Variants in EFCAB5 observed in about 807,000 individuals in gnomAD.
EFCAB5 encodes EF-hand calcium-binding domain-containing protein 5.
A neutral mutation model predicts 167.9 loss-of-function variants in EFCAB5; 131 were observed. The ratio of observed to expected loss-of-function variants is 0.78; its 90% CI spans 0.68 to 0.90. EFCAB5 has a LOEUF of 0.90. Ranked by LOEUF, EFCAB5 falls within the 40% of genes least tolerant of loss-of-function variation. The pLI, the probability that EFCAB5 is intolerant of heterozygous loss-of-function variation, is 0.00. For missense variants in EFCAB5, 1,663 were observed against 1,745.2 expected (o/e 0.95, Z 0.84); for synonymous variants, 574 against 602.8 (o/e 0.95, Z 0.70).
At position 30,049,139 on chromosome 17, in the gene EFCAB5, T is replaced by C. The variant is rs77874509; in HGVS notation, c.1201-1979T>C. Reference sequence around the variant, plus strand: ...AGCAGCATTAGATACCTTGGTAAAGTAGCATTAGATACCTTGGTAAGACAG... The same window carrying C: ...AGCAGCATTAGATACCTTGGTAAAGCAGCATTAGATACCTTGGTAAGACAG... On this transcript the variant is annotated intron_variant, in intron 8 of 22. Coordinates refer to ENST00000394835, the MANE Select transcript of EFCAB5 (RefSeq NM_198529.4). 2.1e-4 allele frequency among the ~76,000 whole-genome samples: 32 copies of C among 152,218 alleles called. 2 individuals carry two copies. The East Asian group carries it at 6.2e-3, about 29-fold the overall frequency.
intron 14 of EFCAB5, among the ~76,000 whole-genome samples, chr17:30,070,667 G>A (rs141286847): frequency 2.0e-5 from 3 of 152,056 alleles, no homozygotes; most frequent in East Asian, 1.9e-4. Context: ...CCTATCTCTC[G>A]GGCCAGGCAC....
intron 19 of EFCAB5, among the ~76,000 whole-genome samples, chr17:30,088,152 T>C (rs1454508944): frequency 6.6e-6 from 1 of 152,206 alleles, no homozygotes; most frequent in Non-Finnish European, 1.5e-5. Flanking sequence ...AGATGAGTTC[T>C]CACTGTGTCA....
intron 1 of EFCAB5, 71 bp from the exon 2 acceptor site, chr17:29,942,169 T>A: frequency 7.6e-7 from 1 of 1,308,276 alleles, no homozygotes; most frequent in Non-Finnish European, 1.0e-6. Context: ...CTTACTGTAT[T>A]AAAGTATGAG....
intron 3 of EFCAB5, among the ~76,000 whole-genome samples, chr17:29,957,898 T>C (rs897813026): frequency 6.6e-6 from 1 of 152,218 alleles, no homozygotes; most frequent in African/African-American, 2.4e-5. Flanking sequence ...TCTAGATCTT[T>C]GAGGAATCAC....
intron 3 of EFCAB5, among the ~76,000 whole-genome samples, chr17:29,963,839 C>T (rs746609057): frequency 6.6e-6 from 1 of 152,052 alleles, no homozygotes; most frequent in Non-Finnish European, 1.5e-5. Flanking sequence ...GGGGTGGATC[C>T]CTCATGAATG....
At chr17:30,043,654 C>T (rs969618110) in intron 8 of EFCAB5, among the ~76,000 whole-genome samples, 1 of 152,288 alleles carries the variant, frequency 6.6e-6, no homozygotes, top group Middle Eastern at 3.4e-3. Context: ...TACTTAGCAA[C>T]ACATTTAACA....
At chr17:30,073,503 T>G in intron 14 of EFCAB5, 1 of 568,840 alleles carries the variant, frequency 1.8e-6, no homozygotes. Flanking sequence ...CCTCTCTCCT[T>G]CCATCTCTCT....
chr17:29,978,697 T>C (rs1330270538), intron 4 of EFCAB5, among the ~76,000 whole-genome samples: 2 of 152,288 alleles, frequency 1.3e-5, no homozygotes, highest in Middle Eastern at 6.8e-3. Flanking sequence ...CCTGACAAGG[T>C]GTGGTTGTCC....
intron 22 of EFCAB5, among the ~76,000 whole-genome samples, chr17:30,097,060 AT>A (rs199614574): frequency 0.18 from 11,484 of 64,842 alleles, 1,097 homozygotes; most frequent in East Asian, 0.38. Flanking sequence ...ATATATATAT[AT>A]TTTTTTTTTT....
At chr17:30,075,554 C>A (rs2070852012) in intron 14 of EFCAB5, among the ~76,000 whole-genome samples, 1 of 152,176 alleles carries the variant, frequency 6.6e-6, no homozygotes, top group Non-Finnish European at 1.5e-5. Flanking sequence ...TTTGGATGCC[C>A]TCCTCACCCT....
At chr17:29,967,207 A>C (rs1158350678) in intron 3 of EFCAB5, among the ~76,000 whole-genome samples, 1 of 152,184 alleles carries the variant, frequency 6.6e-6, no homozygotes, top group Non-Finnish European at 1.5e-5. Context: ...CATTCTGTGA[A>C]TGTGTGCTTA....
chr17:29,953,106 T>G (rs939343524), intron 3 of EFCAB5, among the ~76,000 whole-genome samples: 8 of 152,114 alleles, frequency 5.3e-5, no homozygotes, highest in Non-Finnish European at 8.8e-5. Flanking sequence ...ACTATCCCTG[T>G]TTGCACACTA....
At chr17:30,095,866 A>G (rs1025303805) in intron 22 of EFCAB5, among the ~76,000 whole-genome samples, 1 of 152,214 alleles carries the variant, frequency 6.6e-6, no homozygotes, top group Non-Finnish European at 1.5e-5. Context: ...GGACTTAGTC[A>G]TCTTGAATGG....
In EFCAB5 at chr17:30,074,322, A is replaced by T. The variant is rs570154377; in HGVS notation, c.2738-3893A>T. On this transcript the variant is annotated intron_variant, in intron 14 of 22. Coordinates refer to ENST00000394835, the MANE Select transcript of EFCAB5 (RefSeq NM_198529.4). Reference sequence around the variant, plus strand: ...GCTAGTTTATAAACTTTTTGTAGAGACAAGGTCTCACCATGTTGCCCAGGC... The same window carrying T: ...GCTAGTTTATAAACTTTTTGTAGAGTCAAGGTCTCACCATGTTGCCCAGGC... The T allele has an allele frequency of 2.6e-5, 4 of 152,224 alleles. No individual in the cohort carries two copies. In the East Asian group the frequency reaches 7.7e-4, roughly 29 times the overall value. 9.4% of individuals were successfully genotyped at this position (152,224 alleles called of 1,614,324 possible).
intron 22 of EFCAB5, among the ~76,000 whole-genome samples, chr17:30,102,710 G>A (rs1189733781): frequency 6.6e-6 from 1 of 152,056 alleles, no homozygotes; most frequent in African/African-American, 2.4e-5. Flanking sequence ...AAGCACCCCA[G>A]AAGATTTTTT....
Position 29,968,970 on chromosome 17 carries a change from G to T in EFCAB5, c.370G>T (p.Ala124Ser). ...WKKNLFERME[A>S]RAQAMQQKII... is the part of the protein sequence containing the mutation. ...GAAAAACCTTTTTGAAAGAATGGAG[G>T]CAAGAGCCCAAGCAATGCAGCAGAA... is the stretch of plus-strand genomic sequence containing the variant. Residue 124 changes from alanine to serine, a missense_variant, in exon 4 of 23, where the codon GCA (alanine) becomes TCA (serine). Physicochemically the swap from Ala to Ser is moderately conservative, Grantham distance 99. Coordinates refer to ENST00000394835, the MANE Select transcript of EFCAB5 (RefSeq NM_198529.4). 1 of 1,590,534 alleles carries T rather than the reference G, an allele frequency of 6.3e-7. No individual in the cohort carries two copies. The highest frequency in any genetic ancestry group is 1.8e-5 in the Admixed American group (1 of 55,654).
chr17:30,092,673 G>A (rs1221075180), intron 21 of EFCAB5, among the ~76,000 whole-genome samples, 167 bp from the exon 22 acceptor site: 1 of 152,134 alleles, frequency 6.6e-6, no homozygotes, highest in Non-Finnish European at 1.5e-5. Context: ...ACAGGCGTGA[G>A]CCACCACACC....
At chr17:29,991,364 G>A (rs1204802286) in intron 4 of EFCAB5, among the ~76,000 whole-genome samples, 1 of 152,224 alleles carries the variant, frequency 6.6e-6, no homozygotes, top group Non-Finnish European at 1.5e-5. Flanking sequence ...GGGGCTGACA[G>A]CCTTCAGAGC....
chr17:29,941,984 G>A, intron 1 of EFCAB5, 146 bp downstream of exon 1: 1 of 979,118 alleles, frequency 1.0e-6, no homozygotes, highest in South Asian at 1.7e-5. Flanking sequence ...TGACAGAAAT[G>A]CTGTAAAAGG....
Sources: allele counts gnomAD v4.1 joint callset (sites outside exome capture counted in the v4.1 genomes callset), GRCh38; gene constraint gnomAD v4.1.1; transcripts MANE v1.5; gene names NCBI Gene and HGNC (gene_info 2026-07-23, HGNC 2026-07-21).